MECOM: variants seen among roughly 807,000 people sequenced by gnomAD.
MECOM encodes histone-lysine N-methyltransferase MECOM.
MECOM carries 13 observed loss-of-function variants against 116.3 expected under a neutral mutation model. The ratio of observed to expected loss-of-function variants is 0.11; its 90% CI spans 0.07 to 0.18. MECOM has a LOEUF of 0.18. MECOM is among the 10% of genes least tolerant of loss of function. MECOM has a pLI of 1.00. For missense variants in MECOM, 1,299 were observed against 1,509.0 expected (o/e 0.86, Z 2.31); for synonymous variants, 528 against 535.2 (o/e 0.99, Z 0.19).
At chr3:169,315,019 T>C (rs1719491226) in intron 2 of MECOM, among the ~76,000 whole-genome samples, 2 of 152,224 alleles carry the variant, frequency 1.3e-5, no homozygotes, top group South Asian at 2.1e-4. Flanking sequence ...TAACAGCTAC[T>C]ATTATCCTCA....
intron 3 of MECOM, among the ~76,000 whole-genome samples, chr3:169,141,151 G>T (rs952892019): frequency 2.0e-5 from 3 of 151,768 alleles, no homozygotes; most frequent in African/African-American, 7.3e-5. Context: ...TTATTTCTTT[G>T]TTAGATGACC....
intron 2 of MECOM, among the ~76,000 whole-genome samples, chr3:169,231,912 C>A (rs2149523402): frequency 6.6e-6 from 1 of 152,236 alleles, no homozygotes; most frequent in East Asian, 1.9e-4. Flanking sequence ...CAAAGTTTAG[C>A]AGTAGGGGCT....
intron 2 of MECOM, among the ~76,000 whole-genome samples, chr3:169,172,605 T>G (rs1183903443): frequency 6.6e-6 from 1 of 152,118 alleles, no homozygotes; most frequent in Non-Finnish European, 1.5e-5. Context: ...TATTGCAACT[T>G]TATGAAACTG....
At chr3:169,350,391 G>A (rs1023531655) in intron 2 of MECOM, among the ~76,000 whole-genome samples, 5 of 151,884 alleles carry the variant, frequency 3.3e-5, no homozygotes, top group African/African-American at 1.2e-4. Flanking sequence ...CTCCACAGTG[G>A]CTTTCAGTGC....
chr3:169,150,166 A>T (rs1740967813), intron 2 of MECOM, among the ~76,000 whole-genome samples: 1 of 152,164 alleles, frequency 6.6e-6, no homozygotes, highest in Non-Finnish European at 1.5e-5. Flanking sequence ...CTTGTTTCTC[A>T]TGAAAGGGTC....
chr3:169,220,517 C>T (rs1751990434), intron 2 of MECOM, among the ~76,000 whole-genome samples: 1 of 151,958 alleles, frequency 6.6e-6, no homozygotes, highest in Non-Finnish European at 1.5e-5. Flanking sequence ...CTCTATCACC[C>T]AGACTGGAGT....
chr3:169,193,371 T>C (rs1182154846), intron 2 of MECOM, among the ~76,000 whole-genome samples: 1 of 152,042 alleles, frequency 6.6e-6, no homozygotes, highest in Non-Finnish European at 1.5e-5. Context: ...TTGTTGAACA[T>C]CACTGGAATT....
chr3:169,351,714 C>T (rs150615454), intron 2 of MECOM, among the ~76,000 whole-genome samples: 18 of 151,950 alleles, frequency 1.2e-4, no homozygotes, highest in Middle Eastern at 3.4e-3. Context: ...CAGAACCTGA[C>T]GCCTTGTCAG....
At chr3:169,552,298 CT>C (rs1209754846) in intron 1 of MECOM, among the ~76,000 whole-genome samples, 1 of 145,734 alleles carries the variant, frequency 6.9e-6, no homozygotes, top group Non-Finnish European at 1.5e-5. Context: ...TCTATGCATT[CT>C]TTTTTTCTTT....
chr3:169,296,696 A>C (rs568553551), intron 2 of MECOM, among the ~76,000 whole-genome samples: 1 of 152,232 alleles, frequency 6.6e-6, no homozygotes, highest in African/African-American at 2.4e-5. Context: ...GGAGTGAGGA[A>C]AATAAATAAC....
chr3:169,226,306 G>A (rs1245842107), intron 2 of MECOM, among the ~76,000 whole-genome samples: 1 of 152,146 alleles, frequency 6.6e-6, no homozygotes, highest in Non-Finnish European at 1.5e-5. Flanking sequence ...GAGTAGAAGT[G>A]GAGTGTGAGT....
chr3:169,577,029 T>C (rs1264295309), intron 1 of MECOM, among the ~76,000 whole-genome samples: 1 of 152,164 alleles, frequency 6.6e-6, no homozygotes, highest in Non-Finnish European at 1.5e-5. Context: ...TAGTGTAGGG[T>C]AAAGAGCATG....
intron 2 of MECOM, among the ~76,000 whole-genome samples, chr3:169,196,403 AAC>A (rs1409790196): frequency 6.6e-6 from 1 of 152,066 alleles, no homozygotes; most frequent in African/African-American, 2.4e-5. Context: ...TTAATTCATA[AAC>A]ACACACACAT....
chr3:169,584,543 C>CA (rs1316656475), intron 1 of MECOM, among the ~76,000 whole-genome samples: 9 of 131,586 alleles, frequency 6.8e-5, no homozygotes, highest in Non-Finnish European at 1.4e-4. Context: ...CCAGCCTGGG[C>CA]GAAAGAGCGA....
chr3:169,143,492 A>G (rs1738751376), intron 3 of MECOM, among the ~76,000 whole-genome samples: 1 of 152,142 alleles, frequency 6.6e-6, no homozygotes, highest in Non-Finnish European at 1.5e-5. Context: ...TACTAGTACA[A>G]ACTGAATAGA....
rs75808736 is a variant in MECOM at position 169,448,113 on chromosome 3, G to A, written c.38-66589C>T. ...TAGTGATGATGGCAACCAATGGTGA[G>A]GTGATCTTTAGGTCATCACTGGAAC... On this transcript the variant is annotated intron_variant, in intron 1 of 16. Coordinates refer to ENST00000651503, the MANE Select transcript of MECOM (RefSeq NM_004991.4). 9.7e-4 allele frequency among the ~76,000 whole-genome samples: 148 copies of A among 152,164 alleles called. 2 individuals carry two copies. The East Asian group carries it at 0.027, about 28-fold the overall frequency.
rs532993767 is a variant in MECOM, at chr3:169,362,169, C to T, written c.375+19018G>A. ...TGGTGTAAAAGTAATTGCAGTTTTG[C>T]CATTAAAAGTAATTATTTTGGAGGT... On this transcript the variant is annotated intron_variant, in intron 2 of 16. Coordinates refer to ENST00000651503, the MANE Select transcript of MECOM (RefSeq NM_004991.4). Among the ~76,000 whole-genome samples, 16 of 151,912 alleles carry T rather than the reference C, an allele frequency of 1.1e-4. No homozygotes were observed. The East Asian group carries it at 2.7e-3, about 26-fold the overall frequency.
intron 1 of MECOM, chr3:169,483,754 C>T (rs1392005348): frequency 1.4e-5 from 23 of 1,607,276 alleles, no homozygotes; most frequent in East Asian, 4.5e-5. Context: ...TTAGCAACTA[C>T]GCGCAACCAG....
intron 1 of MECOM, among the ~76,000 whole-genome samples, chr3:169,384,574 T>C (rs1465697281): frequency 6.6e-6 from 1 of 152,198 alleles, no homozygotes; most frequent in African/African-American, 2.4e-5. Context: ...ATTTTACACA[T>C]TCTTAAAGCG....
Sources: gnomAD v4.1 joint callset for allele counts (sites outside exome capture counted in the v4.1 genomes callset) on GRCh38, gnomAD v4.1.1 for gene constraint, MANE v1.5 for transcripts, NCBI Gene and HGNC (gene_info 2026-07-23, HGNC 2026-07-21) for gene names.